CHD4: variants seen among roughly 807,000 people sequenced by gnomAD.
CHD4 encodes the protein chromodomain helicase DNA binding protein 4.
In CHD4, 35 loss-of-function variants were observed where a neutral mutation model predicts 235.5. That is an observed-to-expected ratio of 0.15 (90% CI 0.11 to 0.20). The LOEUF is 0.20. Ranked by LOEUF, CHD4 falls within the 10% of genes least tolerant of loss-of-function variation. The probability of loss-of-function intolerance (pLI) is 1.00; values close to 1 mark genes in which losing one functional copy is unlikely to be tolerated. For missense variants in CHD4, 1,329 were observed against 2,432.3 expected (o/e 0.55, Z 9.54); for synonymous variants, 900 against 850.2 (o/e 1.06, Z -1.02).
Position 6,594,558 on chromosome 12 carries a change from G to A in CHD4, c.2214C>T (p.Arg738=). ...PYQMEGLNWL[R]FSWAQGTDTI... is the part of the protein sequence containing the mutation. Reference sequence around the variant, plus strand: ...TGTCAGTGCCCTGAGCCCAGGAGAAGCGCAACCAATTCAGGCCCTCCATTT... The same window carrying A: ...TGTCAGTGCCCTGAGCCCAGGAGAAACGCAACCAATTCAGGCCCTCCATTT... Residue 738 remains arginine, a synonymous_variant, in exon 15 of 40, where the codon CGC becomes CGT. Coordinates refer to ENST00000544040, the MANE Select transcript of CHD4 (RefSeq NM_001273.5). 2 of 1,614,202 alleles carry A rather than the reference G, an allele frequency of 1.2e-6. No homozygotes were observed. The highest frequency in any genetic ancestry group is 8.5e-7 in the Non-Finnish European group (1 of 1,180,024).
intron 9 of CHD4, 100 bp downstream of exon 9, chr12:6,600,117 G>C: frequency 7.2e-7 from 1 of 1,395,928 alleles, no homozygotes; most frequent in South Asian, 1.2e-5. Flanking sequence ...CTCACAACCC[G>C]CAGCACCAGC....
intron 35 of CHD4, 48 bp downstream of exon 35, chr12:6,578,361 A>G (rs1420210074): frequency 1.9e-5 from 30 of 1,593,126 alleles, no homozygotes; most frequent in Non-Finnish European, 2.3e-5. Flanking sequence ...AAGAACCCCA[A>G]TTTCACATCA....
rs759610469 is a variant in CHD4, at chr12:6,592,857, CAG to C, written c.2653-42_2653-41del. On this transcript the variant is annotated intron_variant, in intron 17 of 39. Coordinates refer to ENST00000544040, the MANE Select transcript of CHD4 (RefSeq NM_001273.5). ...GGAGAAAGGTGAAATCCAATGAAAA[CAG>C]AGCTCTAGCAAATCTCTACAAAATT... 8 of 1,594,934 alleles carry C rather than the reference CAG, an allele frequency of 5.0e-6. No homozygotes were observed. The African/African-American group carries it at 6.7e-5, about 13-fold the overall frequency.
In CHD4 at chr12:6,592,731, A is replaced by G. The variant is rs747157116; in HGVS notation, c.2739T>C (p.Phe913=). 7.4e-6 allele frequency: 12 copies of G among 1,614,176 alleles called. No homozygotes were observed. The highest frequency in any genetic ancestry group is 3.3e-4 in the Middle Eastern group (2 of 6,062). ...CGGGGGTGAGAAAGTTGAGCAGATG[A>G]AACAACTCTTCCAGATTGTTTTGTA... ...TPLQNNLEEL[F]HLLNFLTPER... The change falls in exon 18 of 40, where the codon TTT becomes TTC. Residue 913 remains phenylalanine (F), a synonymous_variant. Coordinates refer to ENST00000544040, the MANE Select transcript of CHD4 (RefSeq NM_001273.5).
intron 14 of CHD4, among the ~76,000 whole-genome samples, chr12:6,595,092 C>T (rs1027908585): frequency 2.0e-5 from 3 of 151,998 alleles, no homozygotes; most frequent in African/African-American, 7.3e-5. Flanking sequence ...TCCCCCCAGA[C>T]AACACTTCTT....
intron 13 of CHD4, 114 bp from the exon 14 acceptor site, chr12:6,595,544 T>C (rs1353867460): frequency 1.2e-6 from 1 of 850,180 alleles, no homozygotes; most frequent in Non-Finnish European, 1.9e-6. Context: ...GGCCAGCACT[T>C]TGGGAGGCTG....
intron 22 of CHD4, chr12:6,591,182 T>C (rs1389213425): frequency 4.1e-6 from 1 of 243,834 alleles, no homozygotes; most frequent in Non-Finnish European, 7.7e-6. Flanking sequence ...CAGACAAGTC[T>C]GCTAGTAACT....
intron 30 of CHD4, 42 bp downstream of exon 30, chr12:6,582,095 G>A (rs753112949): frequency 9.9e-6 from 15 of 1,512,196 alleles, no homozygotes; most frequent in African/African-American, 4.2e-5. Context: ...GAGCCACTGC[G>A]CCTGGCCCCC....
chr12:6,572,159 T>C (rs1338342169), intron 38 of CHD4, among the ~76,000 whole-genome samples: 1 of 149,080 alleles, frequency 6.7e-6, no homozygotes, highest in African/African-American at 2.5e-5. Context: ...CGGAGCACAG[T>C]GGCTCACACC....
Position 6,602,390 on chromosome 12 carries a change from G to T in CHD4, c.208C>A (p.Arg70Ser). ...PRDPKIPKSKRQKKERMLLCR... is the reference protein window; with the variant it reads ...PRDPKIPKSKSQKKERMLLCR... ...CACCCACTCACCTCCTTTTTTTGGCGCTTGCTCTTAGGGATTTTAGGGTCC... is the reference window on the plus strand; with the variant it reads ...CACCCACTCACCTCCTTTTTTTGGCTCTTGCTCTTAGGGATTTTAGGGTCC... The change falls in exon 3 of 40, where the codon CGC (arginine) becomes AGC (serine). Residue 70 changes from arginine to serine, a missense_variant. By Grantham distance (110) the Arg-to-Ser change is moderately radical. Around this residue, in one of 26 missense-constraint regions of CHD4, gnomAD observed 213 missense variants for 177.5 expected, o/e 1.20. Transcript: ENST00000544040. 6.2e-7 allele frequency: 1 copy of T among 1,613,174 alleles called. No individual in the cohort carries two copies. Among genetic ancestry groups the T allele is most frequent in the Non-Finnish European group, 8.5e-7 (1 of 1,179,804 alleles).
chr12:6,602,602 A>G (rs1948616917), intron 2 of CHD4, 105 bp from the exon 3 acceptor site: 2 of 1,415,214 alleles, frequency 1.4e-6, no homozygotes, highest in African/African-American at 2.9e-5. Context: ...CTTGTCCCAG[A>G]TTCCTCTGAA....
chr12:6,605,534 A>G (rs1407926495), intron 2 of CHD4, among the ~76,000 whole-genome samples: 2 of 152,182 alleles, frequency 1.3e-5, no homozygotes, highest in East Asian at 1.9e-4. Flanking sequence ...GACACTTCAC[A>G]CTGCCAGCCT....
chr12:6,570,832 G>A, intron 39 of CHD4, 37 bp downstream of exon 39: 1 of 1,613,446 alleles, frequency 6.2e-7, no homozygotes, highest in Non-Finnish European at 8.5e-7. Context: ...GAATGGTTCT[G>A]CAGGAAGAGG....
At chr12:6,577,679 A>C in intron 37 of CHD4, 106 bp downstream of exon 37, 7 of 1,449,642 alleles carry the variant, frequency 4.8e-6, no homozygotes, top group Non-Finnish European at 6.6e-6. Context: ...CCATAGAATG[A>C]AGAAAGTGAG....
Position 6,594,597 on chromosome 12 carries a change from G to C in CHD4, c.2175C>G (p.Thr725=), listed in dbSNP as rs751476341. The C allele has an allele frequency of 1.2e-5, 20 of 1,614,060 alleles. No homozygotes were observed. Among genetic ancestry groups the C allele is most frequent in the Non-Finnish European group, 1.6e-5 (19 of 1,179,988 alleles). Reference sequence around the variant, plus strand: ...GGCCCTCCATTTGATAGGGGTGCAGGGTTCCACCTGTAGCATCCAGGTACT... The same window carrying C: ...GGCCCTCCATTTGATAGGGGTGCAGCGTTCCACCTGTAGCATCCAGGTACT... The part of the protein sequence containing the change: ...QPEYLDATGG[T]LHPYQMEGLN... The change falls in exon 15 of 40, where the codon ACC becomes ACG. Residue 725 remains threonine (T), a synonymous_variant. Transcript: ENST00000544040.
In CHD4 at chr12:6,582,123, G is replaced by A; in HGVS notation, c.4515+14C>T. ...TGGCCCCCTAGAAACAATGGCAAGA[G>A]GCTCAGGGCTCACCTTCTTGCGAAT... On this transcript the variant is annotated intron_variant, in intron 30 of 39. Coordinates refer to ENST00000544040, the MANE Select transcript of CHD4 (RefSeq NM_001273.5). 1 of 1,535,706 alleles carries A rather than the reference G, an allele frequency of 6.5e-7. No homozygotes were observed. The highest frequency in any genetic ancestry group is 1.2e-5 in the South Asian group (1 of 82,374).
intron 21 of CHD4, 54 bp downstream of exon 21, chr12:6,591,640 G>C: frequency 1.9e-6 from 3 of 1,613,736 alleles, no homozygotes; most frequent in Non-Finnish European, 2.5e-6. Flanking sequence ...CCTTTCCTTA[G>C]GTCACTAAGG....
intron 39 of CHD4, 34 bp from the exon 40 acceptor site, chr12:6,570,727 G>A: frequency 6.2e-7 from 1 of 1,614,120 alleles, no homozygotes; most frequent in Middle Eastern, 1.7e-4. Context: ...CAGAATTCCA[G>A]ATGATAGGAA....
At chr12:6,578,749 G>A in intron 34 of CHD4, 97 bp downstream of exon 34, 2 of 1,379,248 alleles carry the variant, frequency 1.5e-6, no homozygotes, top group South Asian at 2.4e-5. Context: ...GGGATAAAAT[G>A]GCTAGATGAG....
Sources: gnomAD v4.1 joint callset for allele counts (sites outside exome capture counted in the v4.1 genomes callset) on GRCh38, gnomAD v4.1.1 for gene constraint, gnomAD v4.1.1 regional missense constraint, MANE v1.5 for transcripts, NCBI Gene and HGNC (gene_info 2026-07-23, HGNC 2026-07-21) for gene names.